The following AFG1L variants were observed in gnomAD, a reference collection of about 807,000 sequenced individuals.
The protein encoded by AFG1L is AFG1 like ATPase.
A neutral mutation model predicts 62.2 loss-of-function variants in AFG1L; 53 were observed. The observed-to-expected ratio is 0.85, with a 90% CI of 0.68 to 1.07. The LOEUF (loss-of-function observed/expected upper bound fraction) is 1.07, where lower values mean the gene tolerates loss of function less well. AFG1L is among the 50% of genes least tolerant of loss of function. The pLI is 0.00. For synonymous variants in AFG1L, 228 were observed against 210.3 expected (o/e 1.08, Z -0.73); for missense variants, 555 against 590.5 (o/e 0.94, Z 0.62).
At chr6:108,493,298 C>G (rs1438346269) in intron 10 of AFG1L, among the ~76,000 whole-genome samples, 1 of 152,196 alleles carries the variant, frequency 6.6e-6, no homozygotes. Flanking sequence ...GCTAAATCGT[C>G]TGGTGGTGAA....
intron 1 of AFG1L, among the ~76,000 whole-genome samples, chr6:108,310,808 C>G (rs764685386): frequency 6.6e-6 from 1 of 152,134 alleles, no homozygotes; most frequent in Non-Finnish European, 1.5e-5. Context: ...CTCCTCGGCT[C>G]TGAAGCAATC....
At chr6:108,382,379 C>A (rs1780587384) in intron 6 of AFG1L, among the ~76,000 whole-genome samples, 1 of 152,088 alleles carries the variant, frequency 6.6e-6, no homozygotes, top group African/African-American at 2.4e-5. Flanking sequence ...GATTATCAGG[C>A]AATGGCATTA....
intron 1 of AFG1L, among the ~76,000 whole-genome samples, chr6:108,298,410 C>T (rs559993970): frequency 2.4e-4 from 36 of 151,824 alleles, no homozygotes; most frequent in African/African-American, 8.5e-4. Context: ...GAATTACAGG[C>T]GCCCGCCACC....
intron 2 of AFG1L, among the ~76,000 whole-genome samples, chr6:108,343,001 C>T (rs1408540777): frequency 6.6e-6 from 1 of 151,110 alleles, no homozygotes; most frequent in East Asian, 1.9e-4. Context: ...CTAAAGTGCT[C>T]TTTATAAAAT....
intron 6 of AFG1L, among the ~76,000 whole-genome samples, chr6:108,397,938 G>A (rs1222024849): frequency 6.6e-6 from 1 of 152,146 alleles, no homozygotes; most frequent in Admixed American, 6.5e-5. Context: ...TATCTTTGAT[G>A]TACTGATTTC....
In AFG1L at chr6:108,480,791, C is replaced by CAATA. The variant is rs549105207; in HGVS notation, c.1062+3517_1062+3520dup. Among the ~76,000 whole-genome samples, 1,013 of 151,982 alleles carry CAATA rather than the reference C, an allele frequency of 6.7e-3. 8 individuals carry two copies. Among genetic ancestry groups the CAATA allele is most frequent in the African/African-American group, 0.022 (919 of 41,452 alleles). On this transcript the variant is annotated intron_variant, in intron 10 of 12. Coordinates refer to ENST00000368977, the MANE Select transcript of AFG1L (RefSeq NM_145315.5). ...CCAGCCTGGGTGAGAGACTCTGTCT[C>CAATA]AATAAATAAATAAATAAATAACAAC...
intron 3 of AFG1L, among the ~76,000 whole-genome samples, chr6:108,347,452 A>G (rs1778906810): frequency 6.6e-6 from 1 of 152,166 alleles, no homozygotes; most frequent in Non-Finnish European, 1.5e-5. Context: ...AAGCCCTTGG[A>G]TGAATAATTT....
At chr6:108,495,622 T>C (rs1582664682) in intron 10 of AFG1L, among the ~76,000 whole-genome samples, 2 of 152,262 alleles carry the variant, frequency 1.3e-5, no homozygotes, top group South Asian at 2.1e-4. Flanking sequence ...ATTTCACATA[T>C]AGGAGAAAAA....
Position 108,356,775 on chromosome 6 carries a change from A to G in AFG1L, c.603A>G (p.Glu201=). 1 of 1,613,562 alleles carries G rather than the reference A, an allele frequency of 6.2e-7. No individual in the cohort carries two copies. The highest frequency in any genetic ancestry group is 1.7e-4 in the Middle Eastern group (1 of 6,060). Residue 201 remains glutamate, a synonymous_variant, in exon 5 of 13, where the codon GAA becomes GAG. Coordinates refer to ENST00000368977, the MANE Select transcript of AFG1L (RefSeq NM_145315.5). ...ATGACCCAATAGCTCCCATAGCCGA[A>G]GAAATCAGCGAAGAAGCATGTCTCC... The part of the protein sequence containing the change: ...KSYDPIAPIA[E]EISEEACLLC...
intron 11 of AFG1L, among the ~76,000 whole-genome samples, chr6:108,517,312 C>T (rs1443535629): frequency 6.6e-6 from 1 of 152,080 alleles, no homozygotes; most frequent in Non-Finnish European, 1.5e-5. Flanking sequence ...GAGATATAGA[C>T]CAATGGAACA....
At chr6:108,384,062 A>T (rs1196590619) in intron 6 of AFG1L, among the ~76,000 whole-genome samples, 1 of 98,636 alleles carries the variant, frequency 1.0e-5, no homozygotes, top group Non-Finnish European at 1.8e-5. Flanking sequence ...CCTGGAGAGT[A>T]AAAAAAAAAA....
intron 2 of AFG1L, among the ~76,000 whole-genome samples, chr6:108,327,776 A>G (rs184135934): frequency 6.6e-6 from 1 of 152,242 alleles, no homozygotes; most frequent in African/African-American, 2.4e-5. Flanking sequence ...TCACTCTACC[A>G]ACTTCTTAAT....
chr6:108,495,233 T>C (rs989706341), intron 10 of AFG1L, among the ~76,000 whole-genome samples: 2 of 152,228 alleles, frequency 1.3e-5, no homozygotes, highest in Non-Finnish European at 2.9e-5. Flanking sequence ...CTTTAAGATA[T>C]GAAGTATTGT....
chr6:108,476,570 CTT>C (rs1773113052), intron 8 of AFG1L, among the ~76,000 whole-genome samples: 1 of 152,138 alleles, frequency 6.6e-6, no homozygotes. Context: ...GAGCCAGAAG[CTT>C]TCTTCTCATT....
At chr6:108,317,590 G>A (rs1777653685) in intron 1 of AFG1L, among the ~76,000 whole-genome samples, 1 of 152,158 alleles carries the variant, frequency 6.6e-6, no homozygotes, top group Non-Finnish European at 1.5e-5. Context: ...TGACCCCTGA[G>A]CAGTAAGGGA....
chr6:108,389,279 G>A (rs1371475532), intron 6 of AFG1L, among the ~76,000 whole-genome samples: 1 of 152,212 alleles, frequency 6.6e-6, no homozygotes, highest in East Asian at 1.9e-4. Flanking sequence ...GTCTCTGCAC[G>A]TGGGATGGGT....
chr6:108,401,288 G>A (rs1483647772), intron 6 of AFG1L, among the ~76,000 whole-genome samples: 1 of 151,624 alleles, frequency 6.6e-6, no homozygotes, highest in African/African-American at 2.4e-5. Flanking sequence ...GACTAGAGGC[G>A]CCCGCCACCG....
intron 10 of AFG1L, among the ~76,000 whole-genome samples, chr6:108,478,576 C>G (rs1246780075): frequency 6.6e-6 from 1 of 152,226 alleles, no homozygotes; most frequent in Non-Finnish European, 1.5e-5. Flanking sequence ...CTGGATCAAT[C>G]TTTAAGGTCC....
chr6:108,350,164 C>T (rs1779025762), intron 3 of AFG1L, among the ~76,000 whole-genome samples: 2 of 151,884 alleles, frequency 1.3e-5, no homozygotes, highest in Non-Finnish European at 1.5e-5. Flanking sequence ...CCACTGCACT[C>T]CAGCCTGGGC....
Sources: gnomAD v4.1 joint callset for allele counts (sites outside exome capture counted in the v4.1 genomes callset) on GRCh38, gnomAD v4.1.1 for gene constraint, MANE v1.5 for transcripts, NCBI Gene and HGNC (gene_info 2026-07-23, HGNC 2026-07-21) for gene names.